The following SS18L2 variants were observed in gnomAD, a reference collection of about 807,000 sequenced individuals.
SS18L2 encodes SS18-like protein 2.
SS18L2 carries 8 observed loss-of-function variants against 10.3 expected under a neutral mutation model. That is an observed-to-expected ratio of 0.78 (90% CI 0.46 to 1.41). The LOEUF (loss-of-function observed/expected upper bound fraction) is 1.41. Ranked by LOEUF, SS18L2 falls within the 40% of genes most tolerant of loss-of-function variation. The pLI is 0.00. For missense variants in SS18L2, 100 were observed against 96.2 expected, an observed-to-expected ratio of 1.04 and a Z score of -0.17; for synonymous variants, 41 against 34.6, an observed-to-expected ratio of 1.19 and a Z score of -0.65.
chr3:42,585,677 TAGA>T (rs1301963582), intron 1 of SS18L2, among the ~76,000 whole-genome samples: 1 of 152,218 alleles, frequency 6.6e-6, no homozygotes, highest in Non-Finnish European at 1.5e-5. Context: ...CTGGCATAAC[TAGA>T]AGGATAGTAA....
chr3:42,589,510 G>C (rs949066163), upstream of SS18L2, among the ~76,000 whole-genome samples: 2 of 152,144 alleles, frequency 1.3e-5, no homozygotes, highest in Admixed American at 1.3e-4. Flanking sequence ...ATCCACCACG[G>C]ATGGCTAGAA....
At chr3:42,585,538 C>T (rs1383832498) in intron 1 of SS18L2, among the ~76,000 whole-genome samples, 1 of 152,140 alleles carries the variant, frequency 6.6e-6, no homozygotes, top group Non-Finnish European at 1.5e-5. Flanking sequence ...GTTCATTTGT[C>T]CCTCTACTTT....
chr3:42,594,839 C>T lies in SS18L2; in HGVS notation c.*330C>T, dbSNP rs1161103642. 1.6e-5 allele frequency: 3 copies of T among 182,140 alleles called. No individual in the cohort carries two copies. The Admixed American group carries it at 1.8e-4, about 11-fold the overall frequency. The allele number at this position is 182,140 out of a possible 1,614,324, so 11.3% of individuals were successfully genotyped here. On this transcript the variant is annotated 3_prime_UTR_variant, in exon 3 of 3. Coordinates refer to ENST00000011691, the MANE Select transcript of SS18L2 (RefSeq NM_001370300.1). The stretch of plus-strand genomic sequence containing the variant: ...TTTTAGTTTCAACCTGAAGAGGAAA[C>T]TCAGTAGGTGTTGGGCAGGAATTGG...
chr3:42,585,307 G>C (rs1157459911), intron 1 of SS18L2, among the ~76,000 whole-genome samples: 9 of 152,290 alleles, frequency 5.9e-5, no homozygotes, highest in East Asian at 3.9e-4. Flanking sequence ...TAAAGTCCTA[G>C]CTCTCATCTC....
chr3:42,593,312 G>A (rs1016336092), intron 2 of SS18L2, among the ~76,000 whole-genome samples: 1 of 152,206 alleles, frequency 6.6e-6, no homozygotes, highest in Non-Finnish European at 1.5e-5. Flanking sequence ...AGCTACTTGG[G>A]AGGCCGAGGC....
At chr3:42,587,715 G>A (rs664813), upstream of SS18L2, among the ~76,000 whole-genome samples, 39,990 of 147,192 alleles carry the variant, frequency 0.27, 5,960 homozygotes, top group East Asian at 0.48. Flanking sequence ...CAGCCTGGGC[G>A]ACAGAGCGAG....
In SS18L2 at chr3:42,591,590, C is replaced by T. The variant is rs1704846422; in HGVS notation, c.135C>T (p.Asn45=). 6.2e-7 allele frequency: 1 copy of T among 1,612,886 alleles called. No individual in the cohort carries two copies. The highest frequency in any genetic ancestry group is 1.7e-5 in the Admixed American group (1 of 60,002). The change falls in exon 2 of 3, where the codon AAC becomes AAT. Residue 45 remains asparagine, a synonymous_variant. Transcript: ENST00000011691. ...AGTATCAGAACAAGGGCCGCGGGAA[C>T]GAGTGCGTGCAGTAAGTACCCCCAC... is the stretch of plus-strand genomic sequence containing the variant. The part of the protein sequence containing the change: ...IVEYQNKGRG[N]ECVQYQHVLH...
At position 42,591,143 on chromosome 3, in the gene SS18L2, C is replaced by T. The variant is rs1704820490; in HGVS notation, c.69+177C>T. The T allele has an allele frequency of 4.4e-6, 3 of 676,500 alleles. No homozygotes were observed. In the Admixed American group the frequency reaches 6.9e-5, roughly 16 times the overall value. The allele number at this position is 676,500 out of a possible 1,614,324, so 41.9% of individuals were successfully genotyped here. A position where few individuals can be genotyped will look rare whatever the true frequency, so the allele number is the denominator to read the frequency against. ...CAGCACAGGCGCCGGGGCAGGACCC[C>T]GGCATGGGGTTCGGTCCCCCGCCGT... On this transcript the variant is annotated intron_variant, in intron 1 of 2. Coordinates refer to ENST00000011691, the MANE Select transcript of SS18L2 (RefSeq NM_001370300.1).
chr3:42,589,627 A>G (rs1282987023), upstream of SS18L2, among the ~76,000 whole-genome samples: 1 of 152,224 alleles, frequency 6.6e-6, no homozygotes, highest in Non-Finnish European at 1.5e-5. Flanking sequence ...CAGCGGGAGC[A>G]TTAGATTCTC....
chr3:42,595,989 TTTTC>T lies in SS18L2; in HGVS notation c.*1484_*1487del, dbSNP rs1705015889. Among the ~76,000 whole-genome samples, 1 of 152,116 alleles carries T rather than the reference TTTTC, an allele frequency of 6.6e-6. No homozygotes were observed. Reference sequence around the variant, plus strand: ...GTGCTGAGGGCTCTGGCTCTTTCTTTTTTCTTTTTCTTCTTTTTTTTGGTTTTGT... The same window carrying T: ...GTGCTGAGGGCTCTGGCTCTTTCTTTTTTTTCTTCTTTTTTTTGGTTTTGT... On this transcript the variant is annotated 3_prime_UTR_variant, in exon 3 of 3. Transcript: ENST00000011691.
In SS18L2 at chr3:42,596,126, A is replaced by T. The variant is rs142416633; in HGVS notation, c.*1617A>T. ...AACCTCTACCTCCTGGGTTCAAGTG[A>T]TTCTCCTGCCTCAGCCTCCCAAGTA... On this transcript the variant is annotated 3_prime_UTR_variant, in exon 3 of 3. Coordinates refer to ENST00000011691, the MANE Select transcript of SS18L2 (RefSeq NM_001370300.1). Among the ~76,000 whole-genome samples the T allele has an allele frequency of 0.014, 2,126 of 151,520 alleles. 25 individuals carry two copies. The highest frequency in any genetic ancestry group is 0.049 in the South Asian group (235 of 4,814).
At chr3:42,590,656 C>T (rs1045630232), upstream of SS18L2, among the ~76,000 whole-genome samples, 3 of 152,112 alleles carry the variant, frequency 2.0e-5, no homozygotes, top group Non-Finnish European at 4.4e-5. Context: ...GTAGACCCAG[C>T]CCCAACCCAC....
At chr3:42,593,223 G>T (rs1704914381) in intron 2 of SS18L2, among the ~76,000 whole-genome samples, 1 of 152,086 alleles carries the variant, frequency 6.6e-6, no homozygotes, top group South Asian at 2.1e-4. Flanking sequence ...TACCAGCCTG[G>T]CCAACATGGC....
upstream of SS18L2, chr3:42,587,488 G>A (rs1349762283): frequency 1.3e-5 from 2 of 152,140 alleles, no homozygotes; most frequent in Non-Finnish European, 2.9e-5. Context: ...CAGCACTTTG[G>A]GAGGCCGAGG....
rs1577374219 is a variant in SS18L2, at chr3:42,591,602, G to C, written c.146+1G>C. On this transcript the variant is annotated splice_donor_variant, in intron 2 of 2. Coordinates refer to ENST00000011691, the MANE Select transcript of SS18L2 (RefSeq NM_001370300.1). LOFTEE classifies it high-confidence loss of function. The stretch of plus-strand genomic sequence containing the variant: ...AGGGCCGCGGGAACGAGTGCGTGCA[G>C]TAAGTACCCCCACCCCCGCGCCCCT... The C allele has an allele frequency of 6.2e-7, 1 of 1,610,226 alleles. No homozygotes were observed. The highest frequency in any genetic ancestry group is 8.5e-7 in the Non-Finnish European group (1 of 1,176,410).
intron 2 of SS18L2, 59 bp downstream of exon 2, chr3:42,591,660 C>T: frequency 8.6e-7 from 1 of 1,163,298 alleles, no homozygotes; most frequent in Non-Finnish European, 1.3e-6. Flanking sequence ...CTGTGTGATG[C>T]GGTGCTTTCT....
upstream of SS18L2, among the ~76,000 whole-genome samples, chr3:42,588,966 G>A (rs1704714840): frequency 1.3e-5 from 2 of 151,988 alleles, no homozygotes; most frequent in South Asian, 4.1e-4. Flanking sequence ...ACCTCTCTGT[G>A]AAATGGGATG....
Position 42,594,594 on chromosome 3 carries a change from G to A in SS18L2, c.*85G>A. 4 of 1,207,420 alleles carry A rather than the reference G, an allele frequency of 3.3e-6. No individual in the cohort carries two copies. The highest frequency in any genetic ancestry group is 4.8e-6 in the Non-Finnish European group (4 of 826,706). The allele number at this position is 1,207,420 out of a possible 1,614,324, so 74.8% of individuals were successfully genotyped here. A position where few individuals can be genotyped will look rare whatever the true frequency, so the allele number is the denominator to read the frequency against. ...ATCCATCTCTTACAAAATGGAGACAGGGTCTTTACCAACTCAACTGGTTAA... is the reference window on the plus strand; with the variant it reads ...ATCCATCTCTTACAAAATGGAGACAAGGTCTTTACCAACTCAACTGGTTAA... On this transcript the variant is annotated 3_prime_UTR_variant, in exon 3 of 3. Coordinates refer to ENST00000011691, the MANE Select transcript of SS18L2 (RefSeq NM_001370300.1).
intron 1 of SS18L2, among the ~76,000 whole-genome samples, chr3:42,584,109 C>G (rs1471390930): frequency 6.6e-6 from 1 of 152,156 alleles, no homozygotes; most frequent in East Asian, 1.9e-4. Flanking sequence ...CCTAATAAAT[C>G]CCCTCCCATA....
Sources: gnomAD v4.1 joint callset for allele counts (sites outside exome capture counted in the v4.1 genomes callset) on GRCh38, gnomAD v4.1.1 for gene constraint, MANE v1.5 for transcripts, NCBI Gene and HGNC (gene_info 2026-07-23, HGNC 2026-07-21) for gene names.